TGFB2: variants seen among roughly 807,000 people sequenced by gnomAD.
TGFB2 encodes the protein transforming growth factor beta-2 proprotein.
Under a neutral mutation model 42.7 loss-of-function variants are expected in TGFB2, and 13 were observed. That is an observed-to-expected ratio of 0.30 (90% confidence interval 0.20 to 0.48). TGFB2 has a LOEUF of 0.48. Ranked by LOEUF, TGFB2 falls within the 20% of genes least tolerant of loss-of-function variation. TGFB2 has a pLI of 0.99. For missense variants in TGFB2, 390 were observed against 517.5 expected, an observed-to-expected ratio of 0.75 and a Z score of 2.39; for synonymous variants, 193 against 193.6, an observed-to-expected ratio of 1.00 and a Z score of 0.03.
rs541677847 is a variant in TGFB2 at position 218,405,453 on chromosome 1, C to T, written c.510+121C>T. On this transcript the variant is annotated intron_variant, in intron 2 of 6. Coordinates refer to ENST00000366930, the MANE Select transcript of TGFB2 (RefSeq NM_003238.6). The stretch of plus-strand genomic sequence containing the variant: ...GATCACAGCTCACTGCAACCTTGAA[C>T]TCCTGGGTTCAAACGATCCGCTTGC... The T allele has an allele frequency of 1.4e-4, 211 of 1,551,514 alleles. No homozygotes were observed. The African/African-American group carries it at 2.6e-3, about 19-fold the overall frequency.
At chr1:218,378,231 C>CA (rs1657814727) in intron 1 of TGFB2, among the ~76,000 whole-genome samples, 2 of 152,110 alleles carry the variant, frequency 1.3e-5, no homozygotes, top group Non-Finnish European at 2.9e-5. Flanking sequence ...TCTATGAGTG[C>CA]AATGGTGCGA....
At chr1:218,412,296 A>C (rs1017988772) in intron 2 of TGFB2, among the ~76,000 whole-genome samples, 1 of 152,216 alleles carries the variant, frequency 6.6e-6, no homozygotes, top group African/African-American at 2.4e-5. Flanking sequence ...AGTTGTGAGA[A>C]TTTGCAGGCA....
chr1:218,437,390 A>G lies in TGFB2; in HGVS notation c.980A>G (p.Lys327Arg). Residue 327 changes from lysine (K) to arginine (R), a missense_variant, in exon 6 of 7, where the codon AAG (lysine) becomes AGG (arginine). Transcript: ENST00000366930. ...CTACGTCCACTTTACATTGATTTCA[A>G]GAGGGATCTAGGGTGGAAATGGATA... ...CCLRPLYIDF[K>R]RDLGWKWIHE... 1 of 1,612,884 alleles carries G rather than the reference A, an allele frequency of 6.2e-7. No individual in the cohort carries two copies. The highest frequency in any genetic ancestry group is 8.5e-7 in the Non-Finnish European group (1 of 1,179,710).
chr1:218,420,741 G>T (rs1281285892), intron 2 of TGFB2, among the ~76,000 whole-genome samples: 3 of 152,094 alleles, frequency 2.0e-5, no homozygotes, highest in African/African-American at 7.2e-5. Flanking sequence ...TTTCACATGG[G>T]TATGTATAAT....
chr1:218,347,902 A>AT (rs1362690246), intron 1 of TGFB2, among the ~76,000 whole-genome samples: 1 of 149,136 alleles, frequency 6.7e-6, no homozygotes, highest in Non-Finnish European at 1.5e-5. Context: ...ACTTCAATGC[A>AT]TTCCTAAAAC....
chr1:218,436,178 T>G (rs748416834), intron 5 of TGFB2, 31 bp downstream of exon 5: 3 of 1,600,608 alleles, frequency 1.9e-6, no homozygotes, highest in Non-Finnish European at 2.6e-6. Context: ...ACCAAGTAAT[T>G]GCATCTGTTA....
At chr1:218,388,588 T>C (rs1167037373) in intron 1 of TGFB2, among the ~76,000 whole-genome samples, 1 of 152,118 alleles carries the variant, frequency 6.6e-6, no homozygotes, top group Non-Finnish European at 1.5e-5. Flanking sequence ...CTGGATCTTA[T>C]CCCTAGGTCA....
chr1:218,411,178 A>G (rs1301546633), intron 2 of TGFB2, among the ~76,000 whole-genome samples: 2 of 152,220 alleles, frequency 1.3e-5, no homozygotes, highest in Non-Finnish European at 2.9e-5. Context: ...CCTCCAGAAT[A>G]GTATGATTCA....
intron 2 of TGFB2, among the ~76,000 whole-genome samples, chr1:218,422,957 T>C (rs1232556156): frequency 6.6e-6 from 1 of 152,204 alleles, no homozygotes; most frequent in Non-Finnish European, 1.5e-5. Flanking sequence ...ACAAATTAAC[T>C]GATCATATTA....
intron 1 of TGFB2, among the ~76,000 whole-genome samples, chr1:218,404,279 A>AT (rs1384391120): frequency 4.6e-5 from 7 of 152,080 alleles, no homozygotes; most frequent in Non-Finnish European, 1.0e-4. Context: ...CGCCTGGCTA[A>AT]TTTTTGTATT....
chr1:218,388,292 G>A (rs888806949), intron 1 of TGFB2, among the ~76,000 whole-genome samples: 3 of 152,206 alleles, frequency 2.0e-5, no homozygotes, highest in Non-Finnish European at 2.9e-5. Context: ...TCTGACCTGC[G>A]TCAGGCCATC....
At chr1:218,368,450 T>G (rs1022853159) in intron 1 of TGFB2, among the ~76,000 whole-genome samples, 1 of 152,224 alleles carries the variant, frequency 6.6e-6, no homozygotes, top group African/African-American at 2.4e-5. Context: ...TCAGCTGTGT[T>G]TATTGAGTAT....
chr1:218,433,949 A>G, intron 2 of TGFB2, 133 bp from the exon 3 acceptor site: 1 of 1,190,630 alleles, frequency 8.4e-7, no homozygotes, highest in Non-Finnish European at 1.2e-6. Context: ...CATGCAATTG[A>G]GATGACAATG....
chr1:218,407,311 C>T (rs1472672904), intron 2 of TGFB2, among the ~76,000 whole-genome samples: 1 of 152,166 alleles, frequency 6.6e-6, no homozygotes, highest in Non-Finnish European at 1.5e-5. Flanking sequence ...AATTCTTGAG[C>T]TCAAGAGATC....
At chr1:218,353,603 TA>T (rs1471005955) in intron 1 of TGFB2, among the ~76,000 whole-genome samples, 1 of 152,218 alleles carries the variant, frequency 6.6e-6, no homozygotes, top group East Asian at 1.9e-4. Context: ...TTCACACCTT[TA>T]AAAATCCTTC....
intron 1 of TGFB2, among the ~76,000 whole-genome samples, chr1:218,369,786 G>T (rs771092309): frequency 5.3e-5 from 8 of 152,198 alleles, no homozygotes; most frequent in Admixed American, 6.5e-5. Context: ...AGCTTGGAAG[G>T]ATCCTTCTTT....
intron 2 of TGFB2, among the ~76,000 whole-genome samples, chr1:218,429,951 G>A (rs1297458961): frequency 6.6e-6 from 1 of 152,192 alleles, no homozygotes; most frequent in East Asian, 1.9e-4. Context: ...GAGTGGAAGT[G>A]CTTGGAGAGT....
At chr1:218,392,147 C>G (rs1273353864) in intron 1 of TGFB2, among the ~76,000 whole-genome samples, 2 of 152,044 alleles carry the variant, frequency 1.3e-5, no homozygotes, top group African/African-American at 4.8e-5. Context: ...GTCAAGAGAT[C>G]GAGACCATCC....
At position 218,442,096 on chromosome 1, in the gene TGFB2, A is replaced by G. The variant is rs1660171866; in HGVS notation, c.*734A>G. On this transcript the variant is annotated 3_prime_UTR_variant, in exon 7 of 7. Transcript: ENST00000366930. Reference sequence around the variant, plus strand: ...CCTAAGGAAGCTTCTTGTAAGGTCCAAAAACTAAAAAGACTGTTAATAAAA... The same window carrying G: ...CCTAAGGAAGCTTCTTGTAAGGTCCGAAAACTAAAAAGACTGTTAATAAAA... The G allele has an allele frequency of 6.6e-6, 1 of 152,176 alleles. No individual in the cohort carries two copies. Among genetic ancestry groups the G allele is most frequent in the South Asian group, 2.1e-4 (1 of 4,826 alleles). The allele number at this position is 152,176 out of a possible 1,614,324, so 9.4% of individuals were successfully genotyped here. A position where few individuals can be genotyped will look rare whatever the true frequency, so the allele number is the denominator to read the frequency against.
Sources: allele counts gnomAD v4.1 joint callset (sites outside exome capture counted in the v4.1 genomes callset), GRCh38; gene constraint gnomAD v4.1.1; transcripts MANE v1.5; gene names NCBI Gene and HGNC (gene_info 2026-07-23, HGNC 2026-07-21).